RBMS1: variants seen among roughly 807,000 people sequenced by gnomAD.
The protein encoded by RBMS1 is RNA-binding motif, single-stranded-interacting protein 1.
Under a neutral mutation model 62.3 loss-of-function variants are expected in RBMS1, and 17 were observed. The observed-to-expected ratio is 0.27, with a 90% confidence interval of 0.19 to 0.41. RBMS1 has a LOEUF of 0.41. Among genes scored for constraint, RBMS1 ranks in the 10% least tolerant of loss-of-function variants. The pLI, the probability that RBMS1 is intolerant of heterozygous loss-of-function variation, is 1.00. For missense variants in RBMS1, 334 were observed against 504.5 expected, an observed-to-expected ratio of 0.66 and a Z score of 3.24; for synonymous variants, 172 against 170.0, an observed-to-expected ratio of 1.01 and a Z score of -0.09.
At chr2:160,433,183 A>G (rs147329739) in intron 1 of RBMS1, among the ~76,000 whole-genome samples, 14 of 152,246 alleles carry the variant, frequency 9.2e-5, no homozygotes, top group African/African-American at 3.4e-4. Flanking sequence ...GGAGGCCAAG[A>G]CAGGTGGATC....
chr2:160,366,952 A>G (rs917731186), intron 2 of RBMS1: 4 of 262,086 alleles, frequency 1.5e-5, no homozygotes, highest in African/African-American at 8.9e-5. Flanking sequence ...AAAAAAATTC[A>G]TATTTTACTT....
chr2:160,382,984 T>G (rs760737847), intron 1 of RBMS1, among the ~76,000 whole-genome samples: 9 of 152,224 alleles, frequency 5.9e-5, no homozygotes, highest in African/African-American at 1.7e-4. Flanking sequence ...ATTTATACAG[T>G]AACTACAACA....
chr2:160,324,326 T>G (rs957404707), intron 2 of RBMS1, among the ~76,000 whole-genome samples: 1 of 152,234 alleles, frequency 6.6e-6, no homozygotes, highest in Non-Finnish European at 1.5e-5. Flanking sequence ...GAGTCCAGGT[T>G]ATAAGCCAAA....
chr2:160,419,404 T>G (rs1416109580), intron 1 of RBMS1, among the ~76,000 whole-genome samples: 1 of 152,152 alleles, frequency 6.6e-6, no homozygotes, highest in Non-Finnish European at 1.5e-5. Flanking sequence ...TTTTTTAAAG[T>G]AGGTGTATAA....
intron 6 of RBMS1, among the ~76,000 whole-genome samples, chr2:160,299,752 GA>G (rs1689117962): frequency 6.6e-6 from 1 of 152,202 alleles, no homozygotes; most frequent in Non-Finnish European, 1.5e-5. Flanking sequence ...CATCAAGTAG[GA>G]AGTGAAGTCA....
chr2:160,456,417 T>A (rs1684233487), intron 1 of RBMS1, among the ~76,000 whole-genome samples: 1 of 152,222 alleles, frequency 6.6e-6, no homozygotes, highest in Admixed American at 6.5e-5. Flanking sequence ...GAAGTTTTTT[T>A]ATTATTTTTA....
At chr2:160,359,526 A>G (rs757908503) in intron 2 of RBMS1, among the ~76,000 whole-genome samples, 1 of 152,160 alleles carries the variant, frequency 6.6e-6, no homozygotes. Flanking sequence ...TCATCATAGG[A>G]TCATTCTTTT....
chr2:160,397,182 T>C (rs1364566257), intron 1 of RBMS1, among the ~76,000 whole-genome samples: 1 of 152,036 alleles, frequency 6.6e-6, no homozygotes, highest in South Asian at 2.1e-4. Context: ...TGAGTCATCC[T>C]TGCACTCATT....
intron 2 of RBMS1, among the ~76,000 whole-genome samples, chr2:160,320,400 G>C (rs1164401573): frequency 1.3e-5 from 2 of 152,180 alleles, no homozygotes; most frequent in Non-Finnish European, 2.9e-5. Context: ...TTTAGCCTGG[G>C]AGGCAGAGGT....
intron 6 of RBMS1, among the ~76,000 whole-genome samples, chr2:160,297,852 G>A (rs1346082791): frequency 6.6e-6 from 1 of 152,204 alleles, no homozygotes; most frequent in Non-Finnish European, 1.5e-5. Flanking sequence ...GAGGATGGAG[G>A]GAGACAGGAC....
chr2:160,424,021 T>G (rs1191378821), intron 1 of RBMS1, among the ~76,000 whole-genome samples: 1 of 140,680 alleles, frequency 7.1e-6, no homozygotes, highest in African/African-American at 2.5e-5. Context: ...AAGTGCCATT[T>G]CTTTTTTTTT....
At chr2:160,389,317 C>T (rs142212344) in intron 1 of RBMS1, among the ~76,000 whole-genome samples, 9 of 152,254 alleles carry the variant, frequency 5.9e-5, no homozygotes, top group Admixed American at 2.6e-4. Flanking sequence ...TACATAAATG[C>T]TATTGTTACA....
intron 2 of RBMS1, among the ~76,000 whole-genome samples, chr2:160,319,438 G>T (rs1407329238): frequency 6.6e-6 from 1 of 152,158 alleles, no homozygotes; most frequent in South Asian, 2.1e-4. Flanking sequence ...CATGAACCGG[G>T]GAGGCGGAGA....
intron 1 of RBMS1, 200 bp downstream of exon 1, chr2:160,493,089 C>G: frequency 1.8e-6 from 1 of 545,818 alleles, no homozygotes; most frequent in Non-Finnish European, 3.2e-6. Context: ...GTAACCCGAT[C>G]CCCGCACTCC....
chr2:160,470,984 G>A (rs1684891756), intron 1 of RBMS1, among the ~76,000 whole-genome samples: 2 of 152,138 alleles, frequency 1.3e-5, no homozygotes, highest in African/African-American at 4.8e-5. Context: ...TCTGCATATA[G>A]CACCCTACCC....
intron 2 of RBMS1, among the ~76,000 whole-genome samples, chr2:160,361,144 G>A (rs944630263): frequency 2.0e-5 from 3 of 152,182 alleles, no homozygotes; most frequent in East Asian, 3.9e-4. Context: ...TGTAAAAGAC[G>A]CAAAGAGTAG....
rs573476700 is a variant in RBMS1, at chr2:160,449,256, G to A, written c.75+44033C>T. On this transcript the variant is annotated intron_variant, in intron 1 of 13. Coordinates refer to ENST00000348849, the MANE Select transcript of RBMS1 (RefSeq NM_016836.4). The stretch of plus-strand genomic sequence containing the variant: ...CCCATCTGGGAGGGAGGTGGGGGGC[G>A]CCTCTGCCCAGCCGCCCCGTCTGGG... Among the ~76,000 whole-genome samples, 7 of 146,624 alleles carry A rather than the reference G, an allele frequency of 4.8e-5. No homozygotes were observed. The East Asian group carries it at 8.5e-4, about 18-fold the overall frequency.
At chr2:160,391,909 G>A (rs1341726039) in intron 1 of RBMS1, among the ~76,000 whole-genome samples, 2 of 151,856 alleles carry the variant, frequency 1.3e-5, no homozygotes, top group East Asian at 3.9e-4. Context: ...GCACCGAGCT[G>A]AGATCGCACC....
At chr2:160,450,576 A>AC (rs2105318129) in intron 1 of RBMS1, among the ~76,000 whole-genome samples, 1 of 150,238 alleles carries the variant, frequency 6.7e-6, no homozygotes, top group East Asian at 1.9e-4. Flanking sequence ...AAAAAAAAAA[A>AC]AAACAAAAAA....
Sources: gnomAD v4.1 joint callset for allele counts (sites outside exome capture counted in the v4.1 genomes callset) on GRCh38, gnomAD v4.1.1 for gene constraint, MANE v1.5 for transcripts, NCBI Gene and HGNC (gene_info 2026-07-23, HGNC 2026-07-21) for gene names.